The following CYTH3 variants were observed in gnomAD, a reference collection of about 807,000 sequenced individuals.
CYTH3 encodes cytohesin 3.
CYTH3 carries 23 observed loss-of-function variants against 55.1 expected under a neutral mutation model. The observed-to-expected ratio is 0.42, with a 90% confidence interval of 0.30 to 0.59. The LOEUF (loss-of-function observed/expected upper bound fraction) is 0.59. Ranked by LOEUF, CYTH3 falls within the 20% of genes least tolerant of loss-of-function variation. The pLI, the probability that CYTH3 is intolerant of heterozygous loss-of-function variation, is 0.20. For missense variants in CYTH3, 413 were observed against 524.8 expected, an observed-to-expected ratio of 0.79 and a Z score of 2.08; for synonymous variants, 249 against 194.9, an observed-to-expected ratio of 1.28 and a Z score of -2.31.
chr7:6,271,661 A>AACAAACACGATTCCT (rs1303547894), intron 1 of CYTH3, among the ~76,000 whole-genome samples: 3 of 152,048 alleles, frequency 2.0e-5, no homozygotes, highest in Non-Finnish European at 2.9e-5. Flanking sequence ...AATAATTTCC[A>AACAAACACGATTCCT]ACAAACACGA....
chr7:6,243,516 ACTT>A (rs1311523924), intron 1 of CYTH3, among the ~76,000 whole-genome samples: 5 of 152,144 alleles, frequency 3.3e-5, no homozygotes, highest in South Asian at 2.1e-4. Context: ...ACTTCACCAC[ACTT>A]CTTCTGGCAG....
At chr7:6,222,651 G>C (rs1784577927) in intron 1 of CYTH3, among the ~76,000 whole-genome samples, 1 of 151,888 alleles carries the variant, frequency 6.6e-6, no homozygotes. Context: ...GGAGGCTGAG[G>C]TGGGAGAATG....
chr7:6,166,573 C>T (rs1033724728), intron 9 of CYTH3, among the ~76,000 whole-genome samples: 5 of 152,198 alleles, frequency 3.3e-5, no homozygotes, highest in African/African-American at 7.2e-5. Flanking sequence ...GGGGCCAGCA[C>T]GGGCGCTGAG....
chr7:6,260,817 C>T (rs926741452), intron 1 of CYTH3, among the ~76,000 whole-genome samples: 33 of 152,260 alleles, frequency 2.2e-4, no homozygotes, highest in African/African-American at 7.9e-4. Flanking sequence ...TGAGCTCTTC[C>T]ACCCGCATGA....
chr7:6,240,292 C>CA (rs60884841), intron 1 of CYTH3, among the ~76,000 whole-genome samples: 12,877 of 59,798 alleles, frequency 0.22, 1,349 homozygotes, highest in African/African-American at 0.3. Context: ...GACTCCATCT[C>CA]AAAAAAAAAA....
intron 1 of CYTH3, among the ~76,000 whole-genome samples, chr7:6,199,899 T>C (rs964720980): frequency 1.3e-5 from 2 of 152,176 alleles, no homozygotes; most frequent in African/African-American, 4.8e-5. Context: ...ACATGTGAAA[T>C]GGTTAACATC....
chr7:6,244,432 G>A (rs1471911351), intron 1 of CYTH3, among the ~76,000 whole-genome samples: 2 of 152,136 alleles, frequency 1.3e-5, no homozygotes, highest in African/African-American at 4.8e-5. Flanking sequence ...CAAACTGAAA[G>A]GAAAAAGACC....
intron 2 of CYTH3, among the ~76,000 whole-genome samples, chr7:6,187,987 A>T (rs1783697010): frequency 6.6e-6 from 1 of 151,266 alleles, no homozygotes; most frequent in Non-Finnish European, 1.5e-5. Flanking sequence ...GTATTTGTAT[A>T]TAAAATCAGG....
chr7:6,186,713 CG>C (rs1783660311), intron 4 of CYTH3, among the ~76,000 whole-genome samples: 1 of 152,176 alleles, frequency 6.6e-6, no homozygotes, highest in Non-Finnish European at 1.5e-5. Flanking sequence ...CCAGGTCAAG[CG>C]GGAAGATGCG....
intron 9 of CYTH3, 130 bp from the exon 10 acceptor site, chr7:6,165,940 G>C: frequency 1.2e-6 from 1 of 867,412 alleles, no homozygotes; most frequent in South Asian, 1.6e-5. Context: ...TTGGGTTCAG[G>C]TGTCCTTCAG....
intron 1 of CYTH3, among the ~76,000 whole-genome samples, chr7:6,214,925 T>C (rs1784393111): frequency 6.6e-6 from 1 of 152,130 alleles, no homozygotes; most frequent in Non-Finnish European, 1.5e-5. Flanking sequence ...TATTTTCTTA[T>C]CTTGATTTTG....
intron 1 of CYTH3, among the ~76,000 whole-genome samples, chr7:6,243,089 G>C (rs1355530494): frequency 1.3e-5 from 2 of 152,172 alleles, no homozygotes; most frequent in African/African-American, 2.4e-5. Context: ...ATTAATTGCA[G>C]GTGCTCTAAA....
chr7:6,241,770 A>C (rs538706081), intron 1 of CYTH3, among the ~76,000 whole-genome samples: 9 of 152,298 alleles, frequency 5.9e-5, no homozygotes, highest in Admixed American at 3.9e-4. Flanking sequence ...AACAAGGCCT[A>C]GAGTACAGGA....
chr7:6,178,266 A>AC (rs1332158318), intron 4 of CYTH3, among the ~76,000 whole-genome samples: 1 of 152,260 alleles, frequency 6.6e-6, no homozygotes, highest in Non-Finnish European at 1.5e-5. Context: ...TTAGAAAGAT[A>AC]GTTTATTCTG....
intron 1 of CYTH3, among the ~76,000 whole-genome samples, chr7:6,227,383 A>G (rs965878375): frequency 6.6e-6 from 1 of 152,218 alleles, no homozygotes; most frequent in African/African-American, 2.4e-5. Context: ...TGAAAGGCTC[A>G]TAATGAAAAA....
intron 1 of CYTH3, among the ~76,000 whole-genome samples, chr7:6,226,529 G>C (rs908617644): frequency 7.9e-5 from 12 of 152,208 alleles, no homozygotes; most frequent in Admixed American, 6.5e-4. Context: ...AGAAGGTGAA[G>C]CTGGCAGTCT....
At chr7:6,186,904 CT>C in intron 4 of CYTH3, 145 bp downstream of exon 4, 1 of 825,060 alleles carries the variant, frequency 1.2e-6, no homozygotes, top group Non-Finnish European at 2.0e-6. Flanking sequence ...CGAAAAGCCC[CT>C]TTTTGATAAA....
chr7:6,167,996 G>C lies in CYTH3; in HGVS notation c.824-2186C>G, dbSNP rs967183295. Among the ~76,000 whole-genome samples, 1 of 152,184 alleles carries C rather than the reference G, an allele frequency of 6.6e-6. No individual in the cohort carries two copies. The highest frequency in any genetic ancestry group is 2.4e-5 in the African/African-American group (1 of 41,462). The stretch of plus-strand genomic sequence containing the variant: ...GCCCAGGGAAGGGGTGATAAGCTTG[G>C]TCTCAGAGCCGAGCAGGCTCTGCTC... On this transcript the variant is annotated intron_variant, in intron 9 of 12. Coordinates refer to ENST00000350796, the MANE Select transcript of CYTH3 (RefSeq NM_004227.4). The surrounding 1 kb of genome is among the most constrained non-coding windows in gnomAD (Gnocchi z 5.5).
At chr7:6,236,859 G>A (rs563312691) in intron 1 of CYTH3, among the ~76,000 whole-genome samples, 35 of 152,260 alleles carry the variant, frequency 2.3e-4, no homozygotes, top group Admixed American at 1.6e-3. Flanking sequence ...CACTGCGCCC[G>A]GCCAAGTCTC....
Sources: gnomAD v4.1 joint callset for allele counts (sites outside exome capture counted in the v4.1 genomes callset) on GRCh38, gnomAD v4.1.1 for gene constraint, Gnocchi (gnomAD v3.1) non-coding constraint, MANE v1.5 for transcripts, NCBI Gene and HGNC (gene_info 2026-07-23, HGNC 2026-07-21) for gene names.